ZZEF1: variants seen among roughly 807,000 people sequenced by gnomAD.
The protein encoded by ZZEF1 is zinc finger ZZ-type and EF-hand domain containing 1.
A neutral mutation model predicts 342.8 loss-of-function variants in ZZEF1; 157 were observed. That is an observed-to-expected ratio of 0.46 (90% CI 0.40 to 0.52). The LOEUF (loss-of-function observed/expected upper bound fraction) is 0.52, where lower values mean the gene tolerates loss of function less well. Among genes scored for constraint, ZZEF1 ranks in the 20% least tolerant of loss-of-function variants. The pLI, the probability that ZZEF1 is intolerant of heterozygous loss-of-function variation, is 0.00. For missense variants in ZZEF1, 3,480 were observed against 3,725.6 expected (o/e 0.93, Z 1.72); for synonymous variants, 1,505 against 1,429.1 (o/e 1.05, Z -1.20).
At position 4,006,734 on chromosome 17, in the gene ZZEF1, G is replaced by C. The variant is rs894596713; in HGVS notation, c.*156C>G. 1.3e-6 allele frequency: 1 copy of C among 747,320 alleles called. No homozygotes were observed. The highest frequency in any genetic ancestry group is 2.3e-6 in the Non-Finnish European group (1 of 425,884). 46.3% of individuals were successfully genotyped at this position (747,320 alleles called of 1,614,324 possible). On this transcript the variant is annotated 3_prime_UTR_variant, in exon 55 of 55. Coordinates refer to ENST00000381638, the MANE Select transcript of ZZEF1 (RefSeq NM_015113.4). ...GCTTGTGTCCAGCCTACGCACGGGA[G>C]CTCTTGGAGACGTGGCTGCTTGGCA... is the stretch of plus-strand genomic sequence containing the variant.
chr17:4,119,475 G>T (rs757088306), intron 2 of ZZEF1, among the ~76,000 whole-genome samples: 4 of 152,172 alleles, frequency 2.6e-5, no homozygotes, highest in Non-Finnish European at 5.9e-5. Context: ...TACTGGTCAG[G>T]AAGCCAACAT....
In ZZEF1 at chr17:4,032,965, T is replaced by C. The variant is rs1212327865; in HGVS notation, c.6622A>G (p.Ile2208Val). The C allele has an allele frequency of 1.2e-6, 2 of 1,601,506 alleles. No homozygotes were observed. ...GGGGCACTGTTGAGTGACCGCAGGA[T>C]CTCTGCCATGGAGCACGCCCAGTCC... The part of the protein sequence containing the change: ...GLDWACSMAE[I>V]LRSLNSAPLW... The change falls in exon 41 of 55, where the codon ATC (isoleucine) becomes GTC (valine). Residue 2208 changes from isoleucine to valine, a missense_variant. Ile to Val is a conservative substitution (Grantham distance 29, BLOSUM62 3). Coordinates refer to ENST00000381638, the MANE Select transcript of ZZEF1 (RefSeq NM_015113.4).
intron 42 of ZZEF1, among the ~76,000 whole-genome samples, chr17:4,031,866 T>C (rs1240596879): frequency 2.0e-5 from 3 of 152,142 alleles, no homozygotes; most frequent in Non-Finnish European, 4.4e-5. Flanking sequence ...AGAAATTAAA[T>C]GTTCAGAACC....
At chr17:4,106,854 G>C (rs2145460424) in intron 6 of ZZEF1, among the ~76,000 whole-genome samples, 1 of 152,306 alleles carries the variant, frequency 6.6e-6, no homozygotes, top group South Asian at 2.1e-4. Flanking sequence ...ACAACTGATA[G>C]TCGCTTAATG....
chr17:4,136,766 A>C (rs894194387), intron 1 of ZZEF1, among the ~76,000 whole-genome samples: 15 of 152,124 alleles, frequency 9.9e-5, no homozygotes, highest in African/African-American at 3.4e-4. Flanking sequence ...CTAGGTGCTA[A>C]AGGATCATTC....
At chr17:4,052,980 C>A (rs1384826957) in intron 34 of ZZEF1, among the ~76,000 whole-genome samples, 4 of 152,120 alleles carry the variant, frequency 2.6e-5, no homozygotes, top group Non-Finnish European at 5.9e-5. Flanking sequence ...GCCCTTGGGC[C>A]CTTCTCACTC....
At chr17:4,086,255 G>A (rs188103092) in intron 15 of ZZEF1, among the ~76,000 whole-genome samples, 9 of 152,298 alleles carry the variant, frequency 5.9e-5, no homozygotes, top group Non-Finnish European at 1.0e-4. Context: ...GCTCAAAAGA[G>A]CATCAGGGGA....
At chr17:4,049,924 C>T in intron 36 of ZZEF1, 65 bp from the exon 37 acceptor site, 1 of 1,560,048 alleles carries the variant, frequency 6.4e-7, no homozygotes, top group Non-Finnish European at 8.7e-7. Flanking sequence ...TCAGCAAGTG[C>T]CATAAGTTAC....
At chr17:4,072,417 A>C (rs541455032) in intron 25 of ZZEF1, among the ~76,000 whole-genome samples, 191 bp downstream of exon 25, 2 of 152,220 alleles carry the variant, frequency 1.3e-5, no homozygotes, top group African/African-American at 4.8e-5. Flanking sequence ...GTATTTCTGA[A>C]CACCTATTGC....
intron 7 of ZZEF1, 150 bp downstream of exon 7, chr17:4,105,543 G>A: frequency 1.6e-6 from 1 of 635,996 alleles, no homozygotes; most frequent in Non-Finnish European, 2.7e-6. Flanking sequence ...TTAGATGAGT[G>A]AACTATTATG....
In ZZEF1 at chr17:4,051,474, G is replaced by A. The variant is rs147978523; in HGVS notation, c.5601-431C>T. 6.3e-3 allele frequency among the ~76,000 whole-genome samples: 963 copies of A among 152,244 alleles called. 11 individuals are homozygous for A. Among genetic ancestry groups the A allele is most frequent in the African/African-American group, 0.022 (929 of 41,528 alleles). On this transcript the variant is annotated intron_variant, in intron 35 of 54. Coordinates refer to ENST00000381638, the MANE Select transcript of ZZEF1 (RefSeq NM_015113.4). ...CTCGTTCTGTCGCTCAGGCTGGAGT[G>A]CAGTGGCGCAGTCTCAGCTCACTGC...
In ZZEF1 at chr17:4,032,958, C is replaced by T. The variant is rs376036281; in HGVS notation, c.6629G>A (p.Arg2210Gln). ...DWACSMAEIL[R>Q]SLNSAPLWRD... ...CCACAGTGGGGCACTGTTGAGTGAC[C>T]GCAGGATCTCTGCCATGGAGCACGC... Residue 2210 changes from arginine to glutamine, a missense_variant, in exon 41 of 55, where the codon CGG (arginine) becomes CAG (glutamine). Physicochemically the swap from Arg to Gln is conservative, Grantham distance 43. This residue lies in a region of ZZEF1 where 1,269 missense variants were observed against 1,342.4 expected (regional missense o/e 0.95). Transcript: ENST00000381638. 85 of 1,604,202 alleles carry T rather than the reference C, an allele frequency of 5.3e-5. No homozygotes were observed. The highest frequency in any genetic ancestry group is 8.9e-5 in the South Asian group (8 of 89,522).
intron 5 of ZZEF1, among the ~76,000 whole-genome samples, chr17:4,110,709 CT>C (rs1240075616): frequency 4.2e-3 from 537 of 127,016 alleles, no homozygotes; most frequent in East Asian, 0.011. Context: ...AAAATTACGG[CT>C]TTTTTTTTTT....
At chr17:4,015,821 C>A (rs1463066833) in intron 49 of ZZEF1, among the ~76,000 whole-genome samples, 1 of 152,206 alleles carries the variant, frequency 6.6e-6, no homozygotes, top group Non-Finnish European at 1.5e-5. Flanking sequence ...ACGGAGGCTG[C>A]CCCATTCCTG....
intron 9 of ZZEF1, among the ~76,000 whole-genome samples, chr17:4,100,114 A>T (rs973491772): frequency 6.6e-6 from 1 of 152,142 alleles, no homozygotes; most frequent in Admixed American, 6.5e-5. Flanking sequence ...CACTTGTCCA[A>T]AAGTGGTACT....
rs2051930519 is a variant in ZZEF1, at chr17:4,020,040, TAG to T, written c.7405-273_7405-272del. 3.0e-5 allele frequency: 10 copies of T among 333,876 alleles called. 1 individual carries two copies. The South Asian group carries it at 4.9e-4, about 16-fold the overall frequency. 20.7% of individuals were successfully genotyped at this position (333,876 alleles called of 1,614,324 possible). A position where few individuals can be genotyped will look rare whatever the true frequency, so the allele number is the denominator to read the frequency against. Reference sequence around the variant, plus strand: ...TGTCAACAAAATACAATGCTGACAGTAGATACTTACCACATCGTATTCACGGC... The same window carrying T: ...TGTCAACAAAATACAATGCTGACAGTATACTTACCACATCGTATTCACGGC... On this transcript the variant is annotated intron_variant, in intron 45 of 54. Coordinates refer to ENST00000381638, the MANE Select transcript of ZZEF1 (RefSeq NM_015113.4).
chr17:4,110,442 TA>T (rs918112594), intron 5 of ZZEF1, among the ~76,000 whole-genome samples: 6 of 152,174 alleles, frequency 3.9e-5, no homozygotes, highest in Non-Finnish European at 7.4e-5. Context: ...CAGGCCTAAC[TA>T]CTTATTTGCT....
intron 11 of ZZEF1, among the ~76,000 whole-genome samples, chr17:4,091,506 G>A (rs1383759195): frequency 6.6e-6 from 1 of 152,218 alleles, no homozygotes; most frequent in African/African-American, 2.4e-5. Context: ...GATGTGCTGG[G>A]CACGATGGCT....
At chr17:4,067,451 T>C (rs2057422704) in intron 26 of ZZEF1, among the ~76,000 whole-genome samples, 2 of 152,226 alleles carry the variant, frequency 1.3e-5, no homozygotes, top group African/African-American at 4.8e-5. Context: ...AAACTAACTT[T>C]TTTCAAACTA....
Sources: gnomAD v4.1 joint callset for allele counts (sites outside exome capture counted in the v4.1 genomes callset) on GRCh38, gnomAD v4.1.1 for gene constraint, gnomAD v4.1.1 regional missense constraint, MANE v1.5 for transcripts, NCBI Gene and HGNC (gene_info 2026-07-23, HGNC 2026-07-21) for gene names.